Variants in INTS7 observed in about 807,000 individuals in gnomAD.
INTS7 encodes the protein integrator complex subunit 7, also known as chromosome 1 open reading frame 73.
In INTS7, 46 loss-of-function variants were observed where a neutral mutation model predicts 109.2. The ratio of observed to expected loss-of-function variants is 0.42; its 90% CI spans 0.33 to 0.54. The LOEUF (loss-of-function observed/expected upper bound fraction) is 0.54. Among genes scored for constraint, INTS7 ranks in the 20% least tolerant of loss-of-function variants. The pLI is 0.07. For synonymous variants in INTS7, 412 were observed against 402.9 expected (o/e 1.02, Z -0.27); for missense variants, 929 against 1,132.4 (o/e 0.82, Z 2.58).
intron 16 of INTS7, among the ~76,000 whole-genome samples, chr1:211,963,808 ACT>A (rs139962558): frequency 0.026 from 3,920 of 152,140 alleles, 56 homozygotes; most frequent in African/African-American, 0.045. Flanking sequence ...TAAAAAAAAA[ACT>A]CTGAATAAAC....
intron 7 of INTS7, among the ~76,000 whole-genome samples, chr1:211,991,877 A>G (rs1391385139): frequency 6.6e-6 from 1 of 152,248 alleles, no homozygotes; most frequent in Non-Finnish European, 1.5e-5. Context: ...GAGTGAGGAC[A>G]GTTAAGTGCC....
intron 4 of INTS7, among the ~76,000 whole-genome samples, chr1:212,014,755 G>A (rs1416562904): frequency 6.6e-6 from 1 of 152,114 alleles, no homozygotes; most frequent in Non-Finnish European, 1.5e-5. Flanking sequence ...GTGTTGGCCG[G>A]GCTGGTCTCC....
intron 16 of INTS7, among the ~76,000 whole-genome samples, chr1:211,953,505 TC>T (rs928153260): frequency 2.0e-5 from 3 of 149,472 alleles, no homozygotes; most frequent in Non-Finnish European, 4.5e-5. Context: ...ACCCATTAAC[TC>T]GTCATTTAGC....
chr1:211,941,669 TAAG>T lies in INTS7; in HGVS notation c.*152_*154del. On this transcript the variant is annotated 3_prime_UTR_variant, in exon 20 of 20. Coordinates refer to ENST00000366994, the MANE Select transcript of INTS7 (RefSeq NM_015434.4). ...ACGCCCAGCTGTCAGACAAAATTTT[TAAG>T]AAAACAAAATTTTTTCCAGAATATT... 1.6e-6 allele frequency: 2 copies of T among 1,216,918 alleles called. No homozygotes were observed. Among genetic ancestry groups the T allele is most frequent in the South Asian group, 1.6e-5 (1 of 62,482 alleles). The allele number at this position is 1,216,918 out of a possible 1,614,324, so 75.4% of individuals were successfully genotyped here. A position where few individuals can be genotyped will look rare whatever the true frequency, so the allele number is the denominator to read the frequency against.
intron 1 of INTS7, among the ~76,000 whole-genome samples, chr1:212,021,937 C>A (rs1214686915): frequency 6.6e-6 from 1 of 152,074 alleles, no homozygotes; most frequent in Non-Finnish European, 1.5e-5. Flanking sequence ...AAAATAAAAG[C>A]ACAATCTATG....
chr1:212,021,018 C>A (rs918734105), intron 2 of INTS7, 65 bp downstream of exon 2: 1 of 1,451,014 alleles, frequency 6.9e-7, no homozygotes, highest in South Asian at 1.3e-5. Flanking sequence ...AAGAAAAAGA[C>A]CACAATATAA....
chr1:211,998,575 T>C (rs191926946), intron 7 of INTS7, among the ~76,000 whole-genome samples: 367 of 152,288 alleles, frequency 2.4e-3, no homozygotes, highest in Non-Finnish European at 3.7e-3. Flanking sequence ...CAGGGCTATA[T>C]ATAAAACTTA....
intron 4 of INTS7, among the ~76,000 whole-genome samples, chr1:212,013,995 T>G (rs933675069): frequency 9.9e-5 from 15 of 152,158 alleles, no homozygotes; most frequent in African/African-American, 3.6e-4. Context: ...ACTCTCTCAA[T>G]GAGGGAAAAA....
chr1:211,991,125 C>T (rs1258490098), intron 7 of INTS7, among the ~76,000 whole-genome samples: 1 of 152,064 alleles, frequency 6.6e-6, no homozygotes, highest in East Asian at 1.9e-4. Context: ...GTAAGTATTA[C>T]AAACTTTCAA....
At position 212,011,425 on chromosome 1, in the gene INTS7, T is replaced by C. The variant is rs1399499656; in HGVS notation, c.510-4A>G. 3 of 1,572,610 alleles carry C rather than the reference T, an allele frequency of 1.9e-6. No individual in the cohort carries two copies. The highest frequency in any genetic ancestry group is 2.2e-5 in the East Asian group (1 of 44,592). On this transcript the variant is annotated splice_region_variant and splice_polypyrimidine_tract_variant and intron_variant, in intron 4 of 19. Coordinates refer to ENST00000366994, the MANE Select transcript of INTS7 (RefSeq NM_015434.4). The stretch of plus-strand genomic sequence containing the variant: ...ACAGATTCCTACAGCAAAATCCCTT[T>C]GGAAAAAGAGAACAGAGAACAGAAA...
At position 212,012,369 on chromosome 1, in the gene INTS7, T is replaced by C. The variant is rs138429379; in HGVS notation, c.510-948A>G. Among the ~76,000 whole-genome samples, 181 of 152,134 alleles carry C rather than the reference T, an allele frequency of 1.2e-3. 1 individual carries two copies. Among genetic ancestry groups the C allele is most frequent in the African/African-American group, 4.1e-3 (169 of 41,488 alleles). On this transcript the variant is annotated intron_variant, in intron 4 of 19. Transcript: ENST00000366994. Reference sequence around the variant, plus strand: ...ATCCAAAACTGATCAATACAGATACTAGAAAAAAAATCCATCAGTACTGAC... The same window carrying C: ...ATCCAAAACTGATCAATACAGATACCAGAAAAAAAATCCATCAGTACTGAC...
In INTS7 at chr1:211,982,699, A is replaced by G. The variant is rs146700490; in HGVS notation, c.1109T>C (p.Ile370Thr). ...ACCCTTTTCTTGACAAGAAACAGTT[A>G]TATTAGTTAGGACTCTAACTCCATG... is the stretch of plus-strand genomic sequence containing the variant. Reference protein sequence around the residue: ...AAHGVRVLTNITVSCQEKDLL... With the variant: ...AAHGVRVLTNTTVSCQEKDLL... Residue 370 changes from isoleucine to threonine, a missense_variant, in exon 9 of 20, where the codon ATA becomes ACA. Transcript: ENST00000366994. The G allele has an allele frequency of 4.4e-3, 7,060 of 1,608,222 alleles. 21 individuals are homozygous for G. Among genetic ancestry groups the G allele is most frequent in the Middle Eastern group, 0.012 (72 of 6,034 alleles).
intron 9 of INTS7, among the ~76,000 whole-genome samples, 196 bp downstream of exon 9, chr1:211,982,480 G>A (rs1230967963): frequency 6.6e-6 from 1 of 151,978 alleles, no homozygotes; most frequent in Admixed American, 6.6e-5. Flanking sequence ...CCACTCCCAA[G>A]GTCTTCATCT....
chr1:211,992,685 AAAT>A (rs1224434732), intron 7 of INTS7, among the ~76,000 whole-genome samples: 1 of 152,118 alleles, frequency 6.6e-6, no homozygotes, highest in Admixed American at 6.5e-5. Context: ...TCTGTCTTAA[AAAT>A]AATAATAATA....
chr1:211,987,298 A>G (rs1664934434), intron 8 of INTS7, among the ~76,000 whole-genome samples: 1 of 152,106 alleles, frequency 6.6e-6, no homozygotes, highest in Admixed American at 6.5e-5. Context: ...CTCTGTCTTA[A>G]AACAAAACAA....
chr1:211,944,475 A>G (rs1008294958), intron 19 of INTS7, among the ~76,000 whole-genome samples: 8 of 152,170 alleles, frequency 5.3e-5, no homozygotes, highest in African/African-American at 1.9e-4. Context: ...AAAAAATCCA[A>G]TTCAGGGGTC....
intron 13 of INTS7, among the ~76,000 whole-genome samples, chr1:211,971,793 G>A (rs1274301163): frequency 6.6e-6 from 1 of 151,832 alleles, no homozygotes; most frequent in African/African-American, 2.4e-5. Flanking sequence ...GAGAGCGCCT[G>A]TAATCCCAGC....
chr1:212,004,378 A>T (rs1329602760), intron 7 of INTS7, among the ~76,000 whole-genome samples: 1 of 152,198 alleles, frequency 6.6e-6, no homozygotes, highest in Non-Finnish European at 1.5e-5. Context: ...AATGCTGTTT[A>T]TAAGAAACAT....
chr1:212,027,005 C>A (rs1666951550), intron 1 of INTS7, among the ~76,000 whole-genome samples: 1 of 152,190 alleles, frequency 6.6e-6, no homozygotes, highest in Admixed American at 6.5e-5. Context: ...CTAATATCAT[C>A]AAACTTTTTT....
Sources: gnomAD v4.1 joint callset for allele counts (sites outside exome capture counted in the v4.1 genomes callset) on GRCh38, gnomAD v4.1.1 for gene constraint, MANE v1.5 for transcripts, NCBI Gene and HGNC (gene_info 2026-07-23, HGNC 2026-07-21) for gene names.